PRKG1: variants seen among roughly 807,000 people sequenced by gnomAD.
PRKG1 encodes the protein cGMP-dependent protein kinase 1.
A neutral mutation model predicts 88.1 loss-of-function variants in PRKG1; 35 were observed. That is an observed-to-expected ratio of 0.40 (90% confidence interval 0.30 to 0.53). The LOEUF is 0.53. PRKG1 is among the 20% of genes least tolerant of loss of function. The pLI is 0.59. For missense variants in PRKG1, 540 were observed against 839.8 expected, an observed-to-expected ratio of 0.64 and a Z score of 4.41; for synonymous variants, 303 against 292.5, an observed-to-expected ratio of 1.04 and a Z score of -0.37.
intron 17 of PRKG1, among the ~76,000 whole-genome samples, 163 bp from the exon 18 acceptor site, chr10:52,293,639 A>G (rs1842319196): frequency 6.6e-6 from 1 of 152,166 alleles, no homozygotes; most frequent in East Asian, 1.9e-4. Flanking sequence ...GATAAGAACC[A>G]TGTCTGCTTG....
chr10:52,180,584 T>A (rs1838991538), intron 9 of PRKG1, among the ~76,000 whole-genome samples: 1 of 152,192 alleles, frequency 6.6e-6, no homozygotes, highest in South Asian at 2.1e-4. Context: ...TAGGAGTGTG[T>A]TGACTTTTAT....
At chr10:51,708,525 T>C (rs996393742) in intron 3 of PRKG1, among the ~76,000 whole-genome samples, 1 of 152,186 alleles carries the variant, frequency 6.6e-6, no homozygotes, top group African/African-American at 2.4e-5. Flanking sequence ...TGTCTCCCAC[T>C]CCCTTCCTCA....
intron 5 of PRKG1, among the ~76,000 whole-genome samples, chr10:51,920,655 G>A (rs56050528): frequency 0.014 from 2,203 of 152,152 alleles, 34 homozygotes; most frequent in South Asian, 0.055. Flanking sequence ...TTTAATTGTG[G>A]TTCAATCATT....
intron 3 of PRKG1, chr10:51,695,940 C>A (rs1023616688): frequency 6.6e-6 from 1 of 152,088 alleles, no homozygotes; most frequent in African/African-American, 2.4e-5. Context: ...ATAATTTATG[C>A]TTTTATTACT....
chr10:52,086,225 A>G (rs1433797465), intron 7 of PRKG1, among the ~76,000 whole-genome samples: 2 of 151,982 alleles, frequency 1.3e-5, no homozygotes, highest in Non-Finnish European at 2.9e-5. Context: ...CACCTCTTAT[A>G]GGAAACCAGT....
intron 2 of PRKG1, among the ~76,000 whole-genome samples, chr10:51,352,558 A>G (rs1374247812): frequency 6.6e-6 from 1 of 152,168 alleles, no homozygotes; most frequent in African/African-American, 2.4e-5. Context: ...CTCTACAGTG[A>G]AAACTATAAA....
intron 3 of PRKG1, among the ~76,000 whole-genome samples, chr10:51,515,480 T>A (rs113333817): frequency 6.6e-6 from 1 of 152,192 alleles, no homozygotes; most frequent in African/African-American, 2.4e-5. Context: ...ACGTGAAATC[T>A]TAGTACTATT....
At chr10:51,620,407 T>C (rs1839176272) in intron 3 of PRKG1, among the ~76,000 whole-genome samples, 1 of 152,094 alleles carries the variant, frequency 6.6e-6, no homozygotes, top group South Asian at 2.1e-4. Flanking sequence ...AATCACTTCC[T>C]TATGCTTGAC....
At chr10:51,553,898 G>A (rs1564547150) in intron 3 of PRKG1, among the ~76,000 whole-genome samples, 1 of 126,012 alleles carries the variant, frequency 7.9e-6, no homozygotes, top group Non-Finnish European at 1.7e-5. Flanking sequence ...TATAATATAT[G>A]TATGTATTAG....
At chr10:51,408,040 T>C (rs1370523212) in intron 2 of PRKG1, among the ~76,000 whole-genome samples, 2 of 152,184 alleles carry the variant, frequency 1.3e-5, no homozygotes, top group African/African-American at 4.8e-5. Flanking sequence ...TGTCATTTCA[T>C]GGGAACAGGA....
intron 5 of PRKG1, among the ~76,000 whole-genome samples, chr10:51,945,823 C>T (rs1410395168): frequency 6.6e-6 from 1 of 151,748 alleles, no homozygotes; most frequent in East Asian, 1.9e-4. Flanking sequence ...GCTGAGAGAT[C>T]CGCTGTTAGT....
At chr10:52,001,459 T>C (rs972245893) in intron 5 of PRKG1, among the ~76,000 whole-genome samples, 1 of 152,026 alleles carries the variant, frequency 6.6e-6, no homozygotes, top group African/African-American at 2.4e-5. Context: ...AAACATCACA[T>C]TGTATATCCT....
At chr10:51,787,941 T>G (rs374217332) in intron 3 of PRKG1, among the ~76,000 whole-genome samples, 3 of 152,104 alleles carry the variant, frequency 2.0e-5, no homozygotes, top group South Asian at 4.2e-4. Flanking sequence ...ATGGAAGGAC[T>G]GGAGGAGAAA....
At chr10:52,214,443 A>G (rs1840060052) in intron 9 of PRKG1, among the ~76,000 whole-genome samples, 1 of 152,200 alleles carries the variant, frequency 6.6e-6, no homozygotes, top group Non-Finnish European at 1.5e-5. Context: ...TCATCACCGC[A>G]CTAACATTCA....
At chr10:51,111,093 A>C (rs1020614303) in intron 1 of PRKG1, among the ~76,000 whole-genome samples, 4 of 152,080 alleles carry the variant, frequency 2.6e-5, no homozygotes, top group African/African-American at 9.7e-5. Flanking sequence ...GTTCTGGTGA[A>C]GTACAGAGTT....
chr10:51,763,394 C>A (rs961503657), intron 3 of PRKG1, among the ~76,000 whole-genome samples: 1 of 151,656 alleles, frequency 6.6e-6, no homozygotes, highest in Admixed American at 6.6e-5. Flanking sequence ...ACCATACACA[C>A]CTGTGTAATT....
chr10:51,332,096 A>G (rs928390594), intron 2 of PRKG1, among the ~76,000 whole-genome samples: 1 of 152,228 alleles, frequency 6.6e-6, no homozygotes, highest in Non-Finnish European at 1.5e-5. Context: ...ATGGATAGAT[A>G]TCCATCAAAT....
In PRKG1 at chr10:51,506,426, C is replaced by T. The variant is rs149343190; in HGVS notation, c.592+38590C>T. On this transcript the variant is annotated intron_variant, in intron 3 of 17. Transcript: ENST00000373980. ...ACTCATCTGACAAAGGGCTAATATC[C>T]AGAAACTACAATGAACTCAAACAGA... is the stretch of plus-strand genomic sequence containing the variant. Among the ~76,000 whole-genome samples the T allele has an allele frequency of 5.9e-3, 899 of 152,224 alleles. 14 individuals carry two copies. The highest frequency in any genetic ancestry group is 0.021 in the African/African-American group (865 of 41,532).
At chr10:51,127,093 A>C (rs1845446415) in intron 1 of PRKG1, among the ~76,000 whole-genome samples, 1 of 152,222 alleles carries the variant, frequency 6.6e-6, no homozygotes, top group African/African-American at 2.4e-5. Context: ...GATTGCAACA[A>C]AAGTCAAAAT....
Sources: gnomAD v4.1 joint callset for allele counts (sites outside exome capture counted in the v4.1 genomes callset) on GRCh38, gnomAD v4.1.1 for gene constraint, MANE v1.5 for transcripts, NCBI Gene and HGNC (gene_info 2026-07-23, HGNC 2026-07-21) for gene names.